The following SLC44A5 variants were observed in gnomAD, a reference collection of about 807,000 sequenced individuals.
The protein encoded by SLC44A5 is choline transporter-like protein 5.
In SLC44A5, 57 loss-of-function variants were observed where a neutral mutation model predicts 101.8. The ratio of observed to expected loss-of-function variants is 0.56; its 90% CI spans 0.45 to 0.70. The LOEUF is 0.70. Ranked by LOEUF, SLC44A5 falls within the 30% of genes least tolerant of loss-of-function variation. The probability of loss-of-function intolerance (pLI) is 0.00; values close to 1 mark genes in which losing one functional copy is unlikely to be tolerated. For synonymous variants in SLC44A5, 281 were observed against 290.9 expected, an observed-to-expected ratio of 0.97 and a Z score of 0.35; for missense variants, 737 against 853.1, an observed-to-expected ratio of 0.86 and a Z score of 1.70.
intron 4 of SLC44A5, 72 bp from the exon 5 acceptor site, chr1:75,300,757 G>A (rs1013513979): frequency 3.3e-5 from 32 of 964,304 alleles, no homozygotes; most frequent in Non-Finnish European, 4.8e-5. Flanking sequence ...ACAAAATGAA[G>A]GAAGAGAGAA....
intron 2 of SLC44A5, among the ~76,000 whole-genome samples, chr1:75,407,659 T>A (rs557341082): frequency 2.3e-4 from 35 of 152,346 alleles, no homozygotes; most frequent in African/African-American, 8.2e-4. Flanking sequence ...GCTAGCCATA[T>A]GCAGAAAAGT....
At chr1:75,454,799 C>A (rs1015048984) in intron 2 of SLC44A5, among the ~76,000 whole-genome samples, 1 of 151,726 alleles carries the variant, frequency 6.6e-6, no homozygotes, top group Admixed American at 6.6e-5. Flanking sequence ...AATAATAGCA[C>A]AAAAATATTT....
chr1:75,497,385 A>C (rs926171245), intron 2 of SLC44A5, among the ~76,000 whole-genome samples: 1 of 152,154 alleles, frequency 6.6e-6, no homozygotes, highest in Admixed American at 6.5e-5. Context: ...AATCAGACAC[A>C]CAAAGAAAGT....
chr1:75,647,336 C>T, the SLC44A5 span, among the ~76,000 whole-genome samples: 1 of 152,198 alleles, frequency 6.6e-6, no homozygotes, highest in South Asian at 2.1e-4. Context: ...ATGGAAATGC[C>T]TGGATGTCCA....
chr1:75,529,045 A>G (rs1366017739), intron 2 of SLC44A5, among the ~76,000 whole-genome samples: 1 of 152,196 alleles, frequency 6.6e-6, no homozygotes, highest in African/African-American at 2.4e-5. Context: ...CTTACCTGCA[A>G]CCCACTTTAT....
At chr1:75,366,408 C>T (rs183024072) in intron 3 of SLC44A5, among the ~76,000 whole-genome samples, 177 of 152,208 alleles carry the variant, frequency 1.2e-3, no homozygotes, top group Admixed American at 3.5e-3. Flanking sequence ...TTAAAGTTCT[C>T]TTGTGTGTGA....
rs1217440440 is a variant in SLC44A5 at position 75,389,053 on chromosome 1, T to A, written c.52+7530A>T. Among the ~76,000 whole-genome samples, 3 of 151,794 alleles carry A rather than the reference T, an allele frequency of 2.0e-5. No individual in the cohort carries two copies. The South Asian group carries it at 6.2e-4, about 32-fold the overall frequency. ...TATTCTTGTATGAGATAAAACAGGA[T>A]TTAAACTCACAACAGAAAAAAAGAC... On this transcript the variant is annotated intron_variant, in intron 3 of 23. Transcript: ENST00000370859.
intron 1 of SLC44A5, among the ~76,000 whole-genome samples, chr1:75,601,672 A>G (rs1412879598): frequency 2.0e-5 from 3 of 152,218 alleles, no homozygotes; most frequent in African/African-American, 7.2e-5. Flanking sequence ...GTAAAGAGCT[A>G]TCTCAAGGTC....
At chr1:75,210,060 TC>T (rs1308452561) in intron 23 of SLC44A5, among the ~76,000 whole-genome samples, 8 of 151,690 alleles carry the variant, frequency 5.3e-5, no homozygotes, top group Admixed American at 5.3e-4. Flanking sequence ...TTTTTTTTTT[TC>T]TCAGAGCCAG....
chr1:75,605,101 A>G (rs957542834), intron 1 of SLC44A5, among the ~76,000 whole-genome samples: 9 of 152,096 alleles, frequency 5.9e-5, no homozygotes, highest in South Asian at 2.1e-4. Flanking sequence ...TAAAATGTCA[A>G]TTTGAAAGCC....
At chr1:75,584,682 G>T (rs1411132384) in intron 1 of SLC44A5, among the ~76,000 whole-genome samples, 2 of 151,924 alleles carry the variant, frequency 1.3e-5, no homozygotes, top group African/African-American at 4.8e-5. Flanking sequence ...AAGTTCAAGC[G>T]ATTCTCATGC....
chr1:75,653,716 T>A, the SLC44A5 span, among the ~76,000 whole-genome samples: 2 of 152,162 alleles, frequency 1.3e-5, no homozygotes, highest in African/African-American at 4.8e-5. Flanking sequence ...AATTATTCTA[T>A]CTCTACAGAA....
At chr1:75,705,000 A>C in the SLC44A5 span, among the ~76,000 whole-genome samples, 2 of 152,318 alleles carry the variant, frequency 1.3e-5, no homozygotes, top group East Asian at 3.9e-4. Context: ...AATAAACATG[A>C]TAATCATCTG....
rs76350334 is a variant in SLC44A5, at chr1:75,472,270, C to T, written c.13+69165G>A. Among the ~76,000 whole-genome samples, 930 of 152,170 alleles carry T rather than the reference C, an allele frequency of 6.1e-3. 16 individuals carry two copies. The highest frequency in any genetic ancestry group is 0.021 in the African/African-American group (880 of 41,516). On this transcript the variant is annotated intron_variant, in intron 2 of 23. Coordinates refer to ENST00000370859, the MANE Select transcript of SLC44A5 (RefSeq NM_001130058.2). ...CCGAGCACCTGTCAGTAGTACCTTT[C>T]TGATTCAGTCATGAGTATCAACTTA... is the stretch of plus-strand genomic sequence containing the variant.
At chr1:75,333,657 A>G (rs1657223866) in intron 4 of SLC44A5, among the ~76,000 whole-genome samples, 1 of 152,168 alleles carries the variant, frequency 6.6e-6, no homozygotes, top group African/African-American at 2.4e-5. Flanking sequence ...TCTCCCCAAC[A>G]AAGTTTGAAG....
At chr1:75,431,277 T>C (rs576062680) in intron 2 of SLC44A5, among the ~76,000 whole-genome samples, 12 of 152,298 alleles carry the variant, frequency 7.9e-5, no homozygotes, top group African/African-American at 2.4e-4. Flanking sequence ...ATAAAGTCAT[T>C]AAAGATTCTG....
chr1:75,651,880 T>G, the SLC44A5 span, among the ~76,000 whole-genome samples: 2 of 151,958 alleles, frequency 1.3e-5, no homozygotes, highest in South Asian at 4.2e-4. Flanking sequence ...CATCAGGTTG[T>G]GATCGGGCAG....
intron 7 of SLC44A5, among the ~76,000 whole-genome samples, chr1:75,244,422 T>C (rs182593079): frequency 6.6e-6 from 1 of 152,186 alleles, no homozygotes; most frequent in East Asian, 1.9e-4. Context: ...TTCCTTCCTT[T>C]CCTAAATATG....
intron 5 of SLC44A5, among the ~76,000 whole-genome samples, chr1:75,277,208 G>A (rs1045919175): frequency 6.6e-6 from 1 of 152,182 alleles, no homozygotes; most frequent in Non-Finnish European, 1.5e-5. Flanking sequence ...ATTTGGACAT[G>A]TGGCTGGAAG....
Sources: allele counts gnomAD v4.1 joint callset (sites outside exome capture counted in the v4.1 genomes callset), GRCh38; gene constraint gnomAD v4.1.1; transcripts MANE v1.5; gene names NCBI Gene and HGNC (gene_info 2026-07-23, HGNC 2026-07-21).